The following PMFBP1 variants were observed in gnomAD, a reference collection of about 807,000 sequenced individuals.
The protein encoded by PMFBP1 is polyamine modulated factor 1 binding protein 1.
PMFBP1 carries 131 observed loss-of-function variants against 137.8 expected under a neutral mutation model. The ratio of observed to expected loss-of-function variants is 0.95; its 90% CI spans 0.82 to 1.10. The LOEUF is 1.10. PMFBP1 is among the 50% of genes least tolerant of loss of function. The pLI is 0.00. For synonymous variants in PMFBP1, 490 were observed against 450.4 expected (o/e 1.09, Z -1.11); for missense variants, 1,199 against 1,175.4 (o/e 1.02, Z -0.29).
chr16:72,196,870 T>G, the PMFBP1 span, among the ~76,000 whole-genome samples: 1 of 152,210 alleles, frequency 6.6e-6, no homozygotes. Flanking sequence ...AAGATAATTT[T>G]TGAAAGATAG....
At chr16:72,135,838 T>C (rs939676790) in intron 9 of PMFBP1, among the ~76,000 whole-genome samples, 6 of 141,192 alleles carry the variant, frequency 4.2e-5, no homozygotes, top group Middle Eastern at 3.8e-3. Flanking sequence ...CTCCACCTCC[T>C]GGGCTCAAGG....
rs2042542834 is a variant in PMFBP1, at chr16:72,131,075, C to T, written c.1448-353G>A. Among the ~76,000 whole-genome samples the T allele has an allele frequency of 3.9e-5, 6 of 152,184 alleles. No homozygotes were observed. The South Asian group carries it at 1.2e-3, about 32-fold the overall frequency. On this transcript the variant is annotated intron_variant, in intron 10 of 20. Transcript: ENST00000237353. ...CTAGAGAACACTGTCATGTTAAACT[C>T]GCACCAACTAGGCTCAGGAAGAGAG...
At chr16:72,201,309 A>G in the PMFBP1 span, among the ~76,000 whole-genome samples, 1 of 152,242 alleles carries the variant, frequency 6.6e-6, no homozygotes, top group Non-Finnish European at 1.5e-5. Flanking sequence ...CCTCAGAATA[A>G]TGCATTTTGG....
chr16:72,130,861 T>C, intron 10 of PMFBP1, 139 bp from the exon 11 acceptor site: 1 of 750,990 alleles, frequency 1.3e-6, no homozygotes, highest in Non-Finnish European at 2.1e-6. Flanking sequence ...CTCCATTTCA[T>C]GATCAGTCCT....
the PMFBP1 span, among the ~76,000 whole-genome samples, chr16:72,199,124 T>C: frequency 1.3e-5 from 2 of 152,194 alleles, no homozygotes; most frequent in African/African-American, 2.4e-5. Context: ...TAGCCCTTTG[T>C]TTCCAACCCA....
intron 10 of PMFBP1, among the ~76,000 whole-genome samples, chr16:72,131,076 G>A (rs1048335826): frequency 2.6e-5 from 4 of 152,118 alleles, no homozygotes; most frequent in African/African-American, 4.8e-5. Context: ...TGTTAAACTC[G>A]CACCAACTAG....
Position 72,154,216 on chromosome 16 carries a change from C to G in PMFBP1, c.409G>C (p.Asp137His). ...CATGGTTAATCTGTCTATACCTCAT[C>G]TTCTTTCAGTTTGCAGTGATGGTGC... ...LLHHHCKLKE[D>H]EVILYEEEMG... Residue 137 changes from aspartate to histidine, a missense_variant, in exon 4 of 21, where the codon GAT becomes CAT. Coordinates refer to ENST00000237353, the MANE Select transcript of PMFBP1 (RefSeq NM_031293.3). 6.2e-7 allele frequency: 1 copy of G among 1,614,012 alleles called. No individual in the cohort carries two copies. Among genetic ancestry groups the G allele is most frequent in the Non-Finnish European group, 8.5e-7 (1 of 1,179,998 alleles).
At chr16:72,214,781 C>T in the PMFBP1 span, among the ~76,000 whole-genome samples, 2 of 151,810 alleles carry the variant, frequency 1.3e-5, no homozygotes, top group African/African-American at 4.8e-5. Flanking sequence ...TCAGCAGGTA[C>T]ATCAAAAGGG....
At chr16:72,123,793 C>T in intron 17 of PMFBP1, 144 bp from the exon 18 acceptor site, 1 of 651,914 alleles carries the variant, frequency 1.5e-6, no homozygotes, top group Non-Finnish European at 2.6e-6. Flanking sequence ...GTGGAGTTGC[C>T]ACCAGACCTC....
intron 5 of PMFBP1, 39 bp downstream of exon 5, chr16:72,150,569 T>A: frequency 6.3e-7 from 1 of 1,595,486 alleles, no homozygotes; most frequent in Non-Finnish European, 8.6e-7. Context: ...TGGGAGCACA[T>A]CCACTTGCCT....
upstream of PMFBP1, among the ~76,000 whole-genome samples, chr16:72,175,641 CT>C (rs1168542525): frequency 1.3e-5 from 2 of 152,106 alleles, no homozygotes; most frequent in African/African-American, 4.8e-5. Context: ...GAAAGAGATG[CT>C]TTTTTGGTTT....
At position 72,128,659 on chromosome 16, in the gene PMFBP1, C is replaced by T. The variant is rs778124277; in HGVS notation, c.2086G>A (p.Glu696Lys). ...SQQVIQDLNK[E>K]IALQKESLMS... ...CCTTGGGGTTCCTGTCTACTCACCT[C>T]TTTATTCAAGTCTTGGATGACTTGC... The change falls in exon 14 of 21, where the codon GAG (glutamate) becomes AAG (lysine). Residue 696 changes from glutamate to lysine, a missense_variant and splice_region_variant. Coordinates refer to ENST00000237353, the MANE Select transcript of PMFBP1 (RefSeq NM_031293.3). 27 of 1,613,990 alleles carry T rather than the reference C, an allele frequency of 1.7e-5. No homozygotes were observed. The highest frequency in any genetic ancestry group is 1.9e-5 in the Non-Finnish European group (23 of 1,180,024).
chr16:72,150,517 G>C, intron 5 of PMFBP1, 91 bp downstream of exon 5: 2 of 1,272,054 alleles, frequency 1.6e-6, no homozygotes, highest in Non-Finnish European at 1.1e-6. Flanking sequence ...TAAAGGTTTG[G>C]GTTTCCAGTG....
chr16:72,134,287 A>T (rs1374384783), intron 9 of PMFBP1, among the ~76,000 whole-genome samples: 1 of 152,136 alleles, frequency 6.6e-6, no homozygotes, highest in Non-Finnish European at 1.5e-5. Context: ...CCATATGGAT[A>T]ACTACCACTG....
chr16:72,220,415 G>A, the PMFBP1 span, among the ~76,000 whole-genome samples: 13 of 152,222 alleles, frequency 8.5e-5, no homozygotes, highest in African/African-American at 2.9e-4. Flanking sequence ...AGGATATTCA[G>A]TATATCGCAA....
intron 3 of PMFBP1, among the ~76,000 whole-genome samples, chr16:72,160,796 A>G (rs1261684841): frequency 6.6e-6 from 1 of 152,180 alleles, no homozygotes; most frequent in Admixed American, 6.5e-5. Flanking sequence ...AGTGCTTCAT[A>G]TTTGACCTTT....
chr16:72,119,309 G>T lies in PMFBP1; in HGVS notation c.*29C>A. The T allele has an allele frequency of 6.2e-7, 1 of 1,609,764 alleles. No individual in the cohort carries two copies. The highest frequency in any genetic ancestry group is 8.5e-7 in the Non-Finnish European group (1 of 1,176,006). On this transcript the variant is annotated 3_prime_UTR_variant, in exon 21 of 21. Coordinates refer to ENST00000237353, the MANE Select transcript of PMFBP1 (RefSeq NM_031293.3). ...ACTGTCCTCTGAAGAAACACCCGTG[G>T]AAATGCTGCTCAGGGCTAGATGTGG...
At chr16:72,201,154 C>A in the PMFBP1 span, among the ~76,000 whole-genome samples, 1,294 of 152,292 alleles carry the variant, frequency 8.5e-3, 9 homozygotes, top group African/African-American at 0.02. Context: ...GCTCTTCCCC[C>A]CTCCCCCAGC....
At chr16:72,147,829 T>A (rs151282287) in intron 5 of PMFBP1, among the ~76,000 whole-genome samples, 3,117 of 152,260 alleles carry the variant, frequency 0.02, 43 homozygotes, top group African/African-American at 0.025. Flanking sequence ...AGATACCATC[T>A]CATGCCAGTT....
Sources: allele counts gnomAD v4.1 joint callset (sites outside exome capture counted in the v4.1 genomes callset), GRCh38; gene constraint gnomAD v4.1.1; transcripts MANE v1.5; gene names NCBI Gene and HGNC (gene_info 2026-07-23, HGNC 2026-07-21).